Variants in ARHGEF7 observed in about 807,000 individuals in gnomAD.
The protein encoded by ARHGEF7 is Rho guanine nucleotide exchange factor 7.
ARHGEF7 carries 33 observed loss-of-function variants against 109.8 expected under a neutral mutation model. That is an observed-to-expected ratio of 0.30 (90% confidence interval 0.23 to 0.40). The LOEUF (loss-of-function observed/expected upper bound fraction) is 0.40, where lower values mean the gene tolerates loss of function less well. ARHGEF7 is among the 10% of genes least tolerant of loss of function. ARHGEF7 has a pLI of 1.00. For missense variants in ARHGEF7, 938 were observed against 1,098.5 expected (o/e 0.85, Z 2.07); for synonymous variants, 458 against 424.6 (o/e 1.08, Z -0.97).
intron 5 of ARHGEF7, among the ~76,000 whole-genome samples, chr13:111,230,616 C>G (rs978756621): frequency 6.6e-6 from 1 of 152,218 alleles, no homozygotes; most frequent in African/African-American, 2.4e-5. Flanking sequence ...CCAGGGGCTT[C>G]CTGTCTCCCC....
chr13:111,153,405 G>A (rs1232034724), intron 1 of ARHGEF7, among the ~76,000 whole-genome samples: 3 of 152,068 alleles, frequency 2.0e-5, no homozygotes, highest in East Asian at 3.9e-4. Context: ...GCGCGGAGCC[G>A]GGCCTTGTCG....
chr13:111,230,265 A>G (rs1481183969), intron 5 of ARHGEF7, among the ~76,000 whole-genome samples: 1 of 152,100 alleles, frequency 6.6e-6, no homozygotes, highest in Non-Finnish European at 1.5e-5. Context: ...ATACCAGTGA[A>G]TTTTATTAAT....
At chr13:111,198,855 T>C (rs2080882382) in intron 2 of ARHGEF7, among the ~76,000 whole-genome samples, 1 of 152,194 alleles carries the variant, frequency 6.6e-6, no homozygotes, top group African/African-American at 2.4e-5. Flanking sequence ...AGAGTGCTGA[T>C]TGGTGCATTT....
At position 111,282,995 on chromosome 13, in the gene ARHGEF7, A is replaced by G. The variant is rs2092850324; in HGVS notation, c.1726-144A>G. 1.8e-5 allele frequency: 21 copies of G among 1,159,082 alleles called. 1 individual carries two copies. The South Asian group carries it at 2.5e-4, about 14-fold the overall frequency. 71.8% of individuals were successfully genotyped at this position (1,159,082 alleles called of 1,614,324 possible). Reference sequence around the variant, plus strand: ...CCCCAAAAACTGACTGCTGAGAGCCAGAGATACGAATGAAATGATAAATCC... The same window carrying G: ...CCCCAAAAACTGACTGCTGAGAGCCGGAGATACGAATGAAATGATAAATCC... On this transcript the variant is annotated intron_variant, in intron 15 of 21. Transcript: ENST00000646102.
chr13:111,191,821 G>GT (rs1179081354), intron 2 of ARHGEF7, among the ~76,000 whole-genome samples: 1 of 152,172 alleles, frequency 6.6e-6, no homozygotes, highest in African/African-American at 2.4e-5. Context: ...TGAGTTAAAG[G>GT]TAGGAGTAAA....
chr13:111,121,426 T>C (rs1213029131), intron 1 of ARHGEF7, among the ~76,000 whole-genome samples: 1 of 152,190 alleles, frequency 6.6e-6, no homozygotes, highest in Non-Finnish European at 1.5e-5. Context: ...AAAATTCAAG[T>C]ACTATGTACA....
At chr13:111,133,463 T>A (rs1306811781) in intron 1 of ARHGEF7, among the ~76,000 whole-genome samples, 1 of 151,958 alleles carries the variant, frequency 6.6e-6, no homozygotes, top group Non-Finnish European at 1.5e-5. Flanking sequence ...CTGGGTTGGT[T>A]TGGTTTTCCT....
chr13:111,275,730 T>C (rs773106989), intron 12 of ARHGEF7, 52 bp downstream of exon 12: 1 of 1,610,114 alleles, frequency 6.2e-7, no homozygotes, highest in Admixed American at 1.7e-5. Context: ...TCTTAGGAGC[T>C]CATAGCAGAA....
At chr13:111,201,118 C>T (rs368291848) in intron 2 of ARHGEF7, among the ~76,000 whole-genome samples, 1 of 152,126 alleles carries the variant, frequency 6.6e-6, no homozygotes, top group South Asian at 2.1e-4. Flanking sequence ...CCAGTCTCTC[C>T]CCAGTGTTTG....
intron 2 of ARHGEF7, among the ~76,000 whole-genome samples, chr13:111,168,065 C>T (rs1259035420): frequency 1.3e-5 from 2 of 152,196 alleles, no homozygotes; most frequent in Non-Finnish European, 2.9e-5. Flanking sequence ...TCCTTCTGCT[C>T]AGTTTGCCTC....
At chr13:111,280,219 T>C (rs952952634) in intron 13 of ARHGEF7, 53 bp from the exon 14 acceptor site, 14 of 1,535,078 alleles carry the variant, frequency 9.1e-6, no homozygotes, top group Non-Finnish European at 1.2e-5. Context: ...ATGGTACCTT[T>C]TTCTAGAAAA....
intron 8 of ARHGEF7, among the ~76,000 whole-genome samples, chr13:111,259,534 G>A (rs1276268025): frequency 6.6e-6 from 1 of 152,210 alleles, no homozygotes; most frequent in Non-Finnish European, 1.5e-5. Flanking sequence ...AAGAGTCACA[G>A]CATTACTGCG....
At chr13:111,250,336 C>T (rs2089580137) in intron 8 of ARHGEF7, among the ~76,000 whole-genome samples, 5 of 152,208 alleles carry the variant, frequency 3.3e-5, no homozygotes, top group Admixed American at 6.5e-5. Flanking sequence ...CTTGTGCACA[C>T]GCTGCCACCA....
At chr13:111,210,076 T>C (rs2082312821) in intron 4 of ARHGEF7, 74 bp downstream of exon 4, 4 of 1,577,948 alleles carry the variant, frequency 2.5e-6, no homozygotes, top group Non-Finnish European at 2.6e-6. Context: ...TCTGAGAAGA[T>C]ACGTATGCCT....
chr13:111,226,114 AG>A, intron 5 of ARHGEF7, among the ~76,000 whole-genome samples: 1 of 152,360 alleles, frequency 6.6e-6, no homozygotes, highest in African/African-American at 2.4e-5. Flanking sequence ...AGAAAGTTTG[AG>A]TGGTGTGGAT....
Position 111,217,791 on chromosome 13 carries a change from G to A in ARHGEF7, c.581G>A (p.Arg194His). Reference sequence around the variant, plus strand: ...AAAGGAGACGTCATCCATGTCACCCGTGTGGAAGAGGGAGGCTGGTGGGAG... The same window carrying A: ...AAAGGAGACGTCATCCATGTCACCCATGTGGAAGAGGGAGGCTGGTGGGAG... ...FSKGDVIHVT[R>H]VEEGGWWEGT... The change falls in exon 5 of 22, where the codon CGT becomes CAT. Residue 194 changes from arginine (R) to histidine (H), a missense_variant. Coordinates refer to ENST00000646102, the MANE Select transcript of ARHGEF7 (RefSeq NM_001354046.2). 11 of 1,614,190 alleles carry A rather than the reference G, an allele frequency of 6.8e-6. No homozygotes were observed. Among genetic ancestry groups the A allele is most frequent in the South Asian group, 1.1e-5 (1 of 91,086 alleles).
At chr13:111,208,092 G>A (rs1227691458) in intron 3 of ARHGEF7, among the ~76,000 whole-genome samples, 2 of 152,224 alleles carry the variant, frequency 1.3e-5, no homozygotes, top group African/African-American at 4.8e-5. Flanking sequence ...CCAGGCTGGA[G>A]TGCAATGGCA....
At chr13:111,295,740 T>C (rs1347366074) in intron 19 of ARHGEF7, among the ~76,000 whole-genome samples, 1 of 152,220 alleles carries the variant, frequency 6.6e-6, no homozygotes, top group Non-Finnish European at 1.5e-5. Context: ...AATAACAAAA[T>C]GGCCTAGATG....
intron 1 of ARHGEF7, among the ~76,000 whole-genome samples, chr13:111,148,607 C>G (rs745376338): frequency 6.6e-6 from 1 of 152,248 alleles, no homozygotes; most frequent in Non-Finnish European, 1.5e-5. Flanking sequence ...GTCCCATCTC[C>G]TCTCTCATGA....
Sources: allele counts gnomAD v4.1 joint callset (sites outside exome capture counted in the v4.1 genomes callset), GRCh38; gene constraint gnomAD v4.1.1; transcripts MANE v1.5; gene names NCBI Gene and HGNC (gene_info 2026-07-23, HGNC 2026-07-21).